CUX2: variants seen among roughly 807,000 people sequenced by gnomAD.
The protein encoded by CUX2 is homeobox protein cut-like 2.
A neutral mutation model predicts 144.8 loss-of-function variants in CUX2; 40 were observed. The ratio of observed to expected loss-of-function variants is 0.28; its 90% confidence interval spans 0.21 to 0.36. CUX2 has a LOEUF of 0.36. CUX2 is among the 10% of genes least tolerant of loss of function. CUX2 has a pLI of 1.00. For missense variants in CUX2, 1,615 were observed against 1,994.0 expected (o/e 0.81, Z 3.62); for synonymous variants, 827 against 875.6 (o/e 0.94, Z 0.98).
At chr12:111,332,223 C>CCCAGG in intron 18 of CUX2, among the ~76,000 whole-genome samples, 1 of 142,568 alleles carries the variant, frequency 7.0e-6, no homozygotes, top group Non-Finnish European at 1.5e-5. Context: ...AGCTCCGCCT[C>CCCAGG]CCAGGTTCAA....
rs116621320 is a variant in CUX2 at position 111,114,346 on chromosome 12, T to A, written c.63+80106T>A. Among the ~76,000 whole-genome samples, 1,245 of 152,350 alleles carry A rather than the reference T, an allele frequency of 8.2e-3. 21 individuals carry two copies. Among genetic ancestry groups the A allele is most frequent in the African/African-American group, 0.028 (1,178 of 41,562 alleles). On this transcript the variant is annotated intron_variant, in intron 1 of 21. Coordinates refer to ENST00000261726, the MANE Select transcript of CUX2 (RefSeq NM_015267.4). ...TCATTTGCATTTCCCTAATGATTAA[T>A]GATGTTGAGCATCTTTTCATTGCTT...
chr12:111,306,437 T>A (rs1886585604), intron 10 of CUX2, among the ~76,000 whole-genome samples: 1 of 151,924 alleles, frequency 6.6e-6, no homozygotes, highest in South Asian at 2.1e-4. Flanking sequence ...GGACAGAGGG[T>A]CCATTTCCTA....
chr12:111,291,682 C>A (rs1885702023), intron 5 of CUX2, 130 bp downstream of exon 5: 1 of 1,030,540 alleles, frequency 9.7e-7, no homozygotes, highest in Non-Finnish European at 1.3e-6. Context: ...CTTTGGTAAC[C>A]ATCTAGTTCC....
intron 1 of CUX2, among the ~76,000 whole-genome samples, chr12:111,111,348 A>G (rs1873944523): frequency 2.0e-5 from 3 of 152,022 alleles, no homozygotes; most frequent in East Asian, 1.9e-4. Flanking sequence ...TGGATCTCAG[A>G]TGCCTCATCT....
At position 111,061,959 on chromosome 12, in the gene CUX2, C is replaced by T. The variant is rs962704817; in HGVS notation, c.63+27719C>T. On this transcript the variant is annotated intron_variant, in intron 1 of 21. Coordinates refer to ENST00000261726, the MANE Select transcript of CUX2 (RefSeq NM_015267.4). The surrounding 1 kb of genome is among the most constrained non-coding windows in gnomAD (Gnocchi z 4.2). Reference sequence around the variant, plus strand: ...CACTCCATCTGTGCCTCAGCTTCCTCGCCTGTGAAATAGGTCGCCTCGCAG... The same window carrying T: ...CACTCCATCTGTGCCTCAGCTTCCTTGCCTGTGAAATAGGTCGCCTCGCAG... Among the ~76,000 whole-genome samples the T allele has an allele frequency of 2.6e-5, 4 of 152,326 alleles. No individual in the cohort carries two copies. Among genetic ancestry groups the T allele is most frequent in the African/African-American group, 9.6e-5 (4 of 41,584 alleles).
chr12:111,110,586 G>A (rs1760102775), intron 1 of CUX2, among the ~76,000 whole-genome samples: 1 of 152,188 alleles, frequency 6.6e-6, no homozygotes, highest in African/African-American at 2.4e-5. Context: ...GTTACAAACA[G>A]AAATAATATC....
intron 4 of CUX2, among the ~76,000 whole-genome samples, chr12:111,281,230 C>T (rs958758371): frequency 1.3e-5 from 2 of 152,192 alleles, no homozygotes; most frequent in African/African-American, 4.8e-5. Context: ...CCCCCAACTC[C>T]ACTCCAGCCA....
rs1566193806 is a variant in CUX2 at position 111,058,565 on chromosome 12, G to GAC, written c.63+24326_63+24327insCA. ...AGAGAGAGACAGAGAGAGAGAGAGA[G>GAC]AGACAGACAGACAGAGAGAGAGACA... On this transcript the variant is annotated intron_variant, in intron 1 of 21. Transcript: ENST00000261726. Among the ~76,000 whole-genome samples, 1,520 of 152,210 alleles carry GAC rather than the reference G, an allele frequency of 1.0e-2. 24 individuals carry two copies. The highest frequency in any genetic ancestry group is 0.035 in the African/African-American group (1,464 of 41,488).
intron 1 of CUX2, among the ~76,000 whole-genome samples, chr12:111,188,805 G>A (rs1879708597): frequency 6.6e-6 from 1 of 152,114 alleles, no homozygotes; most frequent in African/African-American, 2.4e-5. Flanking sequence ...GTTTGTGAAC[G>A]CACCCATGGT....
At position 111,222,956 on chromosome 12, in the gene CUX2, C is replaced by G. The variant is rs535001635; in HGVS notation, c.222+5019C>G. Among the ~76,000 whole-genome samples the G allele has an allele frequency of 5.3e-5, 8 of 152,300 alleles. No individual in the cohort carries two copies. The South Asian group carries it at 1.7e-3, about 32-fold the overall frequency. ...TATTGAATAGCTGCTGCATACTAGG[C>G]AGGGTTCCAGATGCTGGCCCAGTGA... is the stretch of plus-strand genomic sequence containing the variant. On this transcript the variant is annotated intron_variant, in intron 3 of 21. Transcript: ENST00000261726.
chr12:111,309,453 C>T (rs1021374063), intron 14 of CUX2, among the ~76,000 whole-genome samples: 12 of 152,202 alleles, frequency 7.9e-5, no homozygotes, highest in East Asian at 1.9e-4. Context: ...GGGGGTGGGG[C>T]GCTCCCCAGA....
Position 111,289,104 on chromosome 12 carries a change from CAG to C in CUX2, c.302-2311_302-2310del, listed in dbSNP as rs1344614245. Reference sequence around the variant, plus strand: ...CGCCACTGCACTCCAGCCTGGGCAACAGAGCCAGATTCTGTCTCAAAAAAAGA... The same window carrying C: ...CGCCACTGCACTCCAGCCTGGGCAACAGCCAGATTCTGTCTCAAAAAAAGA... On this transcript the variant is annotated intron_variant, in intron 4 of 21. Coordinates refer to ENST00000261726, the MANE Select transcript of CUX2 (RefSeq NM_015267.4). This position sits in a 1 kb window ranked among gnomAD's most constrained non-coding sequence, Gnocchi z 4.1. 6.6e-6 allele frequency among the ~76,000 whole-genome samples: 1 copy of C among 152,114 alleles called. No individual in the cohort carries two copies. Among genetic ancestry groups the C allele is most frequent in the Non-Finnish European group, 1.5e-5 (1 of 68,022 alleles).
intron 1 of CUX2, among the ~76,000 whole-genome samples, chr12:111,175,585 G>A (rs189587396): frequency 7.6e-4 from 115 of 152,032 alleles, no homozygotes; most frequent in African/African-American, 2.7e-3. Context: ...TTGGTCACGC[G>A]GCAATATCGT....
At chr12:111,086,303 A>G (rs1872213086) in intron 1 of CUX2, among the ~76,000 whole-genome samples, 1 of 152,246 alleles carries the variant, frequency 6.6e-6, no homozygotes, top group Admixed American at 6.5e-5. Flanking sequence ...GAAAGTACTT[A>G]GTTCACAGGC....
chr12:111,241,644 T>C (rs909687508), intron 3 of CUX2, among the ~76,000 whole-genome samples: 4 of 152,280 alleles, frequency 2.6e-5, no homozygotes, highest in Non-Finnish European at 5.9e-5. Context: ...TCAAACAACA[T>C]GGCGGCCAAG....
intron 1 of CUX2, among the ~76,000 whole-genome samples, chr12:111,162,797 G>C (rs1045157111): frequency 6.6e-6 from 1 of 152,188 alleles, no homozygotes; most frequent in Non-Finnish European, 1.5e-5. Flanking sequence ...TGTAATCCCA[G>C]CACTTTGGGA....
At chr12:111,088,567 G>A (rs943786730) in intron 1 of CUX2, among the ~76,000 whole-genome samples, 1 of 152,162 alleles carries the variant, frequency 6.6e-6, no homozygotes, top group Non-Finnish European at 1.5e-5. Flanking sequence ...GAATCCCTAC[G>A]ATGTGACGCT....
intron 1 of CUX2, among the ~76,000 whole-genome samples, chr12:111,128,062 C>T (rs1875206433): frequency 6.6e-6 from 1 of 152,208 alleles, no homozygotes; most frequent in Non-Finnish European, 1.5e-5. Flanking sequence ...GCCACTCCCA[C>T]TTCCACCCCT....
intron 1 of CUX2, among the ~76,000 whole-genome samples, chr12:111,049,196 T>TCCAA (rs1219544967): frequency 5.3e-5 from 8 of 152,058 alleles, no homozygotes; most frequent in African/African-American, 1.9e-4. Context: ...CATCCATCCA[T>TCCAA]GAATTCATCC....
Sources: allele counts gnomAD v4.1 joint callset (sites outside exome capture counted in the v4.1 genomes callset), GRCh38; gene constraint gnomAD v4.1.1; non-coding constraint Gnocchi (gnomAD v3.1); transcripts MANE v1.5; gene names NCBI Gene and HGNC (gene_info 2026-07-23, HGNC 2026-07-21).